Variants in RALGPS2 observed in about 807,000 individuals in gnomAD.
RALGPS2 encodes Ral GEF with PH domain and SH3 binding motif 2.
RALGPS2 carries 43 observed loss-of-function variants against 86.8 expected under a neutral mutation model. The ratio of observed to expected loss-of-function variants is 0.50; its 90% CI spans 0.39 to 0.64. The LOEUF is 0.64. RALGPS2 is among the 30% of genes least tolerant of loss of function. The probability of loss-of-function intolerance (pLI) is 0.00; values close to 1 mark genes in which losing one functional copy is unlikely to be tolerated. For synonymous variants in RALGPS2, 243 were observed against 231.3 expected (o/e 1.05, Z -0.46); for missense variants, 536 against 694.6 (o/e 0.77, Z 2.57).
chr1:178,726,060 G>T (rs1572255891), intron 1 of RALGPS2: 1 of 152,510 alleles, frequency 6.6e-6, no homozygotes, highest in East Asian at 1.9e-4. Flanking sequence ...TGTGGGGCAG[G>T]GGCCGCAGCC....
intron 8 of RALGPS2, among the ~76,000 whole-genome samples, chr1:178,838,963 A>G (rs1656434743): frequency 6.6e-6 from 1 of 151,652 alleles, no homozygotes; most frequent in East Asian, 1.9e-4. Context: ...AAGTTTAGAG[A>G]AAAAAGTAAA....
At chr1:178,750,033 C>G (rs1456149859) in intron 1 of RALGPS2, among the ~76,000 whole-genome samples, 1 of 152,064 alleles carries the variant, frequency 6.6e-6, no homozygotes, top group African/African-American at 2.4e-5. Flanking sequence ...ATCTCTGGAG[C>G]CTGGGAGGTT....
chr1:178,790,252 A>G (rs553587118), intron 4 of RALGPS2, among the ~76,000 whole-genome samples: 2 of 152,280 alleles, frequency 1.3e-5, no homozygotes, highest in Admixed American at 6.5e-5. Context: ...CGCCCAGCCA[A>G]TATATTCTTA....
At chr1:178,754,632 A>C (rs1034737441) in intron 1 of RALGPS2, among the ~76,000 whole-genome samples, 1 of 152,200 alleles carries the variant, frequency 6.6e-6, no homozygotes, top group Non-Finnish European at 1.5e-5. Context: ...TACTCAGTCT[A>C]CTAATCCAGG....
In RALGPS2 at chr1:178,823,748, G is replaced by T. The variant is rs76364235; in HGVS notation, c.480+2044G>T. Among the ~76,000 whole-genome samples, 908 of 152,324 alleles carry T rather than the reference G, an allele frequency of 6.0e-3. 15 individuals carry two copies. The highest frequency in any genetic ancestry group is 0.021 in the African/African-American group (880 of 41,572). On this transcript the variant is annotated intron_variant, in intron 7 of 19. Transcript: ENST00000367635. ...GAGGTGCTGTTTACTTATATTCAGAGAGGTATAGAGAAGGACCATTGTGGG... is the reference window on the plus strand; with the variant it reads ...GAGGTGCTGTTTACTTATATTCAGATAGGTATAGAGAAGGACCATTGTGGG...
chr1:178,895,979 T>C (rs1485035611), intron 16 of RALGPS2, among the ~76,000 whole-genome samples: 2 of 151,966 alleles, frequency 1.3e-5, no homozygotes, highest in African/African-American at 4.8e-5. Flanking sequence ...GAAGAAAGTA[T>C]AGCTAGAGAA....
rs992844370 is a variant in RALGPS2, at chr1:178,919,789, C to T, written c.*3430C>T. ...TTTTTGAGGCACATTCCTTTACAAC[C>T]AGTGTTTAAACCACCACGTAATCAT... On this transcript the variant is annotated 3_prime_UTR_variant, in exon 20 of 20. Coordinates refer to ENST00000367635, the MANE Select transcript of RALGPS2 (RefSeq NM_152663.5). 1.3e-5 allele frequency: 2 copies of T among 151,964 alleles called. No homozygotes were observed. The highest frequency in any genetic ancestry group is 4.8e-5 in the African/African-American group (2 of 41,414). The allele number at this position is 151,964 out of a possible 1,614,324, so 9.4% of individuals were successfully genotyped here. A position where few individuals can be genotyped will look rare whatever the true frequency, so the allele number is the denominator to read the frequency against.
intron 1 of RALGPS2, among the ~76,000 whole-genome samples, chr1:178,745,822 C>CTTTTT (rs34277622): frequency 1.2e-4 from 10 of 86,108 alleles, no homozygotes; most frequent in South Asian, 4.4e-4. Flanking sequence ...TTCAATTCTT[C>CTTTTT]TTTTTTTTTT....
chr1:178,770,776 C>A (rs1652769021), intron 1 of RALGPS2, among the ~76,000 whole-genome samples: 3 of 151,288 alleles, frequency 2.0e-5, no homozygotes, highest in African/African-American at 7.3e-5. Context: ...CGCGCCTGGC[C>A]ACCCTTTTAC....
chr1:178,781,129 A>T (rs1025618559), intron 2 of RALGPS2, among the ~76,000 whole-genome samples: 1 of 152,156 alleles, frequency 6.6e-6, no homozygotes, highest in Non-Finnish European at 1.5e-5. Flanking sequence ...TTTCACTTGT[A>T]CAAACAATTC....
intron 1 of RALGPS2, among the ~76,000 whole-genome samples, chr1:178,749,346 C>G (rs1572283483): frequency 1.3e-5 from 2 of 152,036 alleles, no homozygotes; most frequent in South Asian, 4.2e-4. Flanking sequence ...AATCAGCTGG[C>G]GTGGTAGTGG....
At chr1:178,779,707 T>G (rs1201068867) in intron 2 of RALGPS2, among the ~76,000 whole-genome samples, 1 of 152,242 alleles carries the variant, frequency 6.6e-6, no homozygotes, top group Non-Finnish European at 1.5e-5. Flanking sequence ...CATAGCCATC[T>G]AAGTTTAAAT....
chr1:178,882,341 T>TAA (rs771153532), intron 10 of RALGPS2, among the ~76,000 whole-genome samples: 1 of 152,244 alleles, frequency 6.6e-6, no homozygotes, highest in Non-Finnish European at 1.5e-5. Flanking sequence ...GTAATCTCTA[T>TAA]TATATTCCAG....
chr1:178,749,781 C>G (rs1170189983), intron 1 of RALGPS2, among the ~76,000 whole-genome samples: 1 of 151,956 alleles, frequency 6.6e-6, no homozygotes, highest in Non-Finnish European at 1.5e-5. Context: ...TTGCATATTA[C>G]TCACATCTGT....
intron 4 of RALGPS2, 79 bp downstream of exon 4, chr1:178,785,686 A>G: frequency 1.4e-6 from 2 of 1,470,636 alleles, no homozygotes; most frequent in Non-Finnish European, 1.8e-6. Context: ...ATGTCAAATT[A>G]TACTTCATAT....
At chr1:178,734,297 A>G (rs1650553176) in intron 1 of RALGPS2, among the ~76,000 whole-genome samples, 1 of 152,190 alleles carries the variant, frequency 6.6e-6, no homozygotes, top group African/African-American at 2.4e-5. Flanking sequence ...ACCATGTGGC[A>G]CTTCTTCAAA....
intron 16 of RALGPS2, among the ~76,000 whole-genome samples, chr1:178,897,372 G>T (rs1027337635): frequency 6.6e-6 from 1 of 152,084 alleles, no homozygotes; most frequent in Non-Finnish European, 1.5e-5. Context: ...AAAAGTGAGA[G>T]AGAGTTGGAA....
intron 8 of RALGPS2, chr1:178,850,937 A>T (rs1026803978): frequency 4.4e-6 from 2 of 455,586 alleles, no homozygotes; most frequent in Non-Finnish European, 7.5e-6. Flanking sequence ...GTGGATACAC[A>T]TAATTTTCTG....
chr1:178,849,517 A>G lies in RALGPS2; in HGVS notation c.607+15967A>G, dbSNP rs147596740. 2.6e-4 allele frequency among the ~76,000 whole-genome samples: 39 copies of G among 152,284 alleles called. No homozygotes were observed. The East Asian group carries it at 6.9e-3, about 27-fold the overall frequency. Reference sequence around the variant, plus strand: ...ATAAAGTTTTGGGTGTTTAAATGAAATGATATACTGCTTTCAATAACTGAG... The same window carrying G: ...ATAAAGTTTTGGGTGTTTAAATGAAGTGATATACTGCTTTCAATAACTGAG... On this transcript the variant is annotated intron_variant, in intron 8 of 19. Transcript: ENST00000367635.
Sources: allele counts gnomAD v4.1 joint callset (sites outside exome capture counted in the v4.1 genomes callset), GRCh38; gene constraint gnomAD v4.1.1; transcripts MANE v1.5; gene names NCBI Gene and HGNC (gene_info 2026-07-23, HGNC 2026-07-21).